The following MAPK10 variants were observed in gnomAD, a reference collection of about 807,000 sequenced individuals.
The protein encoded by MAPK10 is JNK3 alpha protein kinase.
MAPK10 carries 25 observed loss-of-function variants against 59.3 expected under a neutral mutation model. The ratio of observed to expected loss-of-function variants is 0.42; its 90% CI spans 0.31 to 0.59. MAPK10 has a LOEUF of 0.59. Among genes scored for constraint, MAPK10 ranks in the 20% least tolerant of loss-of-function variants. The probability of loss-of-function intolerance (pLI) is 0.15; values close to 1 mark genes in which losing one functional copy is unlikely to be tolerated. For synonymous variants in MAPK10, 190 were observed against 200.5 expected (o/e 0.95, Z 0.44); for missense variants, 351 against 568.9 (o/e 0.62, Z 3.90).
chr4:86,370,389 A>T (rs549183965), intron 1 of MAPK10, among the ~76,000 whole-genome samples: 26 of 152,302 alleles, frequency 1.7e-4, no homozygotes, highest in Middle Eastern at 3.4e-3. Context: ...TTTAAAAAAA[A>T]AATAATTGAG....
intron 2 of MAPK10, among the ~76,000 whole-genome samples, chr4:86,260,186 A>C (rs1175841914): frequency 1.3e-5 from 2 of 152,112 alleles, no homozygotes; most frequent in East Asian, 1.9e-4. Flanking sequence ...AAGATCACTC[A>C]GTCTCATTTT....
At chr4:86,216,297 T>TATATATATATATATATATATAGC (rs2087595706) in intron 2 of MAPK10, among the ~76,000 whole-genome samples, 3 of 85,006 alleles carry the variant, frequency 3.5e-5, no homozygotes, top group African/African-American at 1.4e-4. Flanking sequence ...ATATATAGCA[T>TATATATATATATATATATATAGC]ATATATATAT....
At chr4:86,322,613 A>C (rs2095922956) in intron 2 of MAPK10, among the ~76,000 whole-genome samples, 1 of 152,182 alleles carries the variant, frequency 6.6e-6, no homozygotes, top group South Asian at 2.1e-4. Context: ...TGTATGACTA[A>C]GTGCCCAGTT....
At chr4:86,590,394 A>G (rs2149116977) in intron 1 of MAPK10, among the ~76,000 whole-genome samples, 1 of 152,168 alleles carries the variant, frequency 6.6e-6, no homozygotes, top group South Asian at 2.1e-4. Flanking sequence ...TTTTCTTTTT[A>G]AGACTCTTCT....
intron 1 of MAPK10, among the ~76,000 whole-genome samples, chr4:86,416,741 G>A (rs1034752079): frequency 6.6e-6 from 1 of 152,122 alleles, no homozygotes; most frequent in Non-Finnish European, 1.5e-5. Flanking sequence ...GCAAAATCTT[G>A]CTCCAGAGGG....
intron 2 of MAPK10, among the ~76,000 whole-genome samples, chr4:86,320,981 A>G (rs2095877510): frequency 6.6e-6 from 1 of 152,224 alleles, no homozygotes; most frequent in Non-Finnish European, 1.5e-5. Flanking sequence ...AACACATGAA[A>G]AAATGCTCAC....
intron 1 of MAPK10, among the ~76,000 whole-genome samples, chr4:86,381,917 G>A (rs1400487819): frequency 1.3e-5 from 2 of 152,116 alleles, no homozygotes; most frequent in Non-Finnish European, 2.9e-5. Flanking sequence ...AGTCAACTGA[G>A]GCTAACTCTA....
At chr4:86,478,022 T>A (rs1001574284) in intron 1 of MAPK10, among the ~76,000 whole-genome samples, 16 of 152,250 alleles carry the variant, frequency 1.1e-4, no homozygotes, top group African/African-American at 3.6e-4. Flanking sequence ...TATCTCGGCA[T>A]AATTATCATA....
At chr4:86,383,834 A>G (rs897288273) in intron 1 of MAPK10, among the ~76,000 whole-genome samples, 2 of 152,240 alleles carry the variant, frequency 1.3e-5, no homozygotes, top group Non-Finnish European at 2.9e-5. Context: ...AGAGATAACA[A>G]TTTACTTCAC....
chr4:86,215,431 C>G (rs2087207942), intron 2 of MAPK10, among the ~76,000 whole-genome samples: 2 of 152,108 alleles, frequency 1.3e-5, no homozygotes, highest in Non-Finnish European at 1.5e-5. Flanking sequence ...AAATTTAAAA[C>G]TTGTTCATGA....
intron 1 of MAPK10, among the ~76,000 whole-genome samples, chr4:86,529,578 T>C (rs1757716248): frequency 1.3e-5 from 2 of 152,224 alleles, no homozygotes; most frequent in Admixed American, 6.5e-5. Flanking sequence ...TTGCTTCTTT[T>C]CAAGTTATTT....
At chr4:86,434,848 G>A (rs960526467) in intron 1 of MAPK10, among the ~76,000 whole-genome samples, 6 of 152,204 alleles carry the variant, frequency 3.9e-5, no homozygotes, top group Non-Finnish European at 5.9e-5. Flanking sequence ...GTACTCCTAC[G>A]ATTATTGCAG....
intron 1 of MAPK10, chr4:86,356,351 T>C (rs1734475005): frequency 5.9e-6 from 1 of 170,744 alleles, no homozygotes; most frequent in Non-Finnish European, 1.2e-5. Context: ...AGTGGCTTGA[T>C]ATGGATCCAA....
intron 1 of MAPK10, among the ~76,000 whole-genome samples, chr4:86,467,986 T>G (rs575316547): frequency 2.6e-4 from 39 of 152,268 alleles, no homozygotes; most frequent in Middle Eastern, 6.8e-3. Flanking sequence ...ATTCTTTGCC[T>G]CATAAATGAT....
chr4:86,116,869 A>T (rs1323783210), intron 4 of MAPK10, among the ~76,000 whole-genome samples: 1 of 152,258 alleles, frequency 6.6e-6, no homozygotes, highest in African/African-American at 2.4e-5. Context: ...CACTGAGTAA[A>T]TGATGGCTAT....
intron 1 of MAPK10, among the ~76,000 whole-genome samples, chr4:86,435,843 A>G (rs1262165160): frequency 2.0e-5 from 3 of 152,206 alleles, no homozygotes; most frequent in African/African-American, 7.2e-5. Context: ...AGCTGAGCCA[A>G]ATTCAGCTAA....
rs543623610 is a variant in MAPK10 at position 86,410,954 on chromosome 4, G to A, written c.-122+42076C>T. On this transcript the variant is annotated intron_variant, in intron 1 of 13. Transcript: ENST00000361569. ...TTGCCTTCTGCTAGCTTTTCAATGC[G>A]TTTGCTCTTGCTTCTCTAGTTCTTT... Among the ~76,000 whole-genome samples the A allele has an allele frequency of 8.5e-5, 13 of 152,162 alleles. No individual in the cohort carries two copies. In the East Asian group the frequency reaches 9.6e-4, roughly 11 times the overall value.
intron 1 of MAPK10, among the ~76,000 whole-genome samples, chr4:86,406,862 C>A (rs779976500): frequency 3.9e-5 from 6 of 152,214 alleles, no homozygotes; most frequent in Non-Finnish European, 7.3e-5. Flanking sequence ...AGGAAAACTG[C>A]AACCACTTAC....
At chr4:86,239,713 A>T (rs2092575423) in intron 2 of MAPK10, among the ~76,000 whole-genome samples, 2 of 148,988 alleles carry the variant, frequency 1.3e-5, no homozygotes, top group Admixed American at 6.7e-5. Flanking sequence ...ATCATTTTTT[A>T]CTGTGTCTAT....
Sources: allele counts gnomAD v4.1 joint callset (sites outside exome capture counted in the v4.1 genomes callset), GRCh38; gene constraint gnomAD v4.1.1; transcripts MANE v1.5; gene names NCBI Gene and HGNC (gene_info 2026-07-23, HGNC 2026-07-21).